Variants in PCDHA10 observed in about 807,000 individuals in gnomAD.
The protein encoded by PCDHA10 is protocadherin alpha-10.
Under a neutral mutation model 61.2 loss-of-function variants are expected in PCDHA10, and 45 were observed. The observed-to-expected ratio is 0.74, with a 90% CI of 0.58 to 0.94. The LOEUF is 0.94. PCDHA10 is among the 40% of genes least tolerant of loss of function. The pLI is 0.00. For missense variants in PCDHA10, 1,278 were observed against 1,236.2 expected, an observed-to-expected ratio of 1.03 and a Z score of -0.51; for synonymous variants, 602 against 548.8, an observed-to-expected ratio of 1.10 and a Z score of -1.35.
chr5:140,871,113 G>C, intron 1 of PCDHA10: 1 of 1,613,306 alleles, frequency 6.2e-7, no homozygotes. Flanking sequence ...CGTTGGTGGA[G>C]AGCGGACAGG....
chr5:140,908,844 C>G (rs533219921), intron 1 of PCDHA10, among the ~76,000 whole-genome samples: 1 of 152,156 alleles, frequency 6.6e-6, no homozygotes, highest in Non-Finnish European at 1.5e-5. Flanking sequence ...GCTGGAGTAA[C>G]ATACCCAAAT....
intron 1 of PCDHA10, chr5:140,967,982 G>T (rs1563372383): frequency 1.9e-6 from 3 of 1,614,224 alleles, no homozygotes; most frequent in Non-Finnish European, 2.5e-6. Context: ...GGGTCTGGAG[G>T]CCACACTGCC....
At chr5:140,945,393 T>G (rs2153669728) in intron 1 of PCDHA10, among the ~76,000 whole-genome samples, 1 of 152,208 alleles carries the variant, frequency 6.6e-6, no homozygotes, top group East Asian at 1.9e-4. Flanking sequence ...AATATACAAA[T>G]TCAATACAAT....
intron 1 of PCDHA10, among the ~76,000 whole-genome samples, chr5:140,906,546 G>A (rs1261080393): frequency 2.0e-5 from 3 of 152,222 alleles, no homozygotes; most frequent in Non-Finnish European, 4.4e-5. Context: ...CCTCATTTCT[G>A]CAACTGGTTG....
chr5:140,883,731 C>A, intron 1 of PCDHA10: 1 of 1,613,446 alleles, frequency 6.2e-7, no homozygotes, highest in Non-Finnish European at 8.5e-7. Flanking sequence ...CAGGAGAACG[C>A]GCTGGTCTCC....
Position 140,969,539 on chromosome 5 carries a change from A to G in PCDHA10, c.2389-9410A>G, listed in dbSNP as rs551546462. ...GAATTGTTTTATTTTTCATTTTCAGAGGCATGAAGCCTTGTCCATAAAATT... is the reference window on the plus strand; with the variant it reads ...GAATTGTTTTATTTTTCATTTTCAGGGGCATGAAGCCTTGTCCATAAAATT... On this transcript the variant is annotated intron_variant, in intron 1 of 3. Transcript: ENST00000307360. The G allele has an allele frequency of 2.3e-6, 3 of 1,303,614 alleles. No individual in the cohort carries two copies. The Admixed American group carries it at 8.5e-5, about 37-fold the overall frequency. 80.8% of individuals were successfully genotyped at this position (1,303,614 alleles called of 1,614,324 possible).
At chr5:140,963,443 T>C (rs1554226608) in intron 1 of PCDHA10, among the ~76,000 whole-genome samples, 1 of 152,248 alleles carries the variant, frequency 6.6e-6, no homozygotes, top group African/African-American at 2.4e-5. Flanking sequence ...TCATACTCTG[T>C]TGCTAAAGTA....
intron 1 of PCDHA10, chr5:140,860,422 T>A (rs1554153353): frequency 1.3e-5 from 2 of 152,130 alleles, no homozygotes; most frequent in African/African-American, 4.8e-5. Context: ...ACCATTATCC[T>A]GCAAATATGA....
intron 1 of PCDHA10, chr5:140,863,768 G>C (rs2048166638): frequency 4.1e-6 from 1 of 242,260 alleles, no homozygotes; most frequent in African/African-American, 2.2e-5. Flanking sequence ...GGAAGCCGAG[G>C]CGGGCGGATC....
At chr5:140,926,754 C>G in intron 1 of PCDHA10, 1 of 1,283,492 alleles carries the variant, frequency 7.8e-7, no homozygotes, top group South Asian at 2.2e-5. Flanking sequence ...TCGGCGGTCG[C>G]TGAGTATCCA....
intron 1 of PCDHA10, chr5:140,876,947 A>C: frequency 6.2e-7 from 1 of 1,613,496 alleles, no homozygotes; most frequent in Non-Finnish European, 8.5e-7. Flanking sequence ...CTGGTGTCCT[A>C]CTCGCTGGTG....
At chr5:140,982,935 T>C (rs2097016879) in intron 3 of PCDHA10, among the ~76,000 whole-genome samples, 2 of 151,876 alleles carry the variant, frequency 1.3e-5, no homozygotes, top group African/African-American at 4.9e-5. Context: ...ACAAAGATCT[T>C]TTGGTTGAAG....
At chr5:140,881,399 T>A in intron 1 of PCDHA10, 1 of 975,578 alleles carries the variant, frequency 1.0e-6, no homozygotes, top group Non-Finnish European at 1.2e-6. Flanking sequence ...TTAAATTCTA[T>A]TAAATCAATA....
chr5:140,966,792 C>A (rs1182470326), intron 1 of PCDHA10: 3 of 1,530,564 alleles, frequency 2.0e-6, no homozygotes, highest in Admixed American at 1.9e-5. Context: ...ACCAGACCTG[C>A]GGCGACAGAG....
intron 1 of PCDHA10, among the ~76,000 whole-genome samples, chr5:140,903,405 G>A (rs2070271184): frequency 6.6e-6 from 1 of 152,184 alleles, no homozygotes; most frequent in Non-Finnish European, 1.5e-5. Flanking sequence ...CAGTAGTGCA[G>A]TCAGGAAAAA....
intron 1 of PCDHA10, among the ~76,000 whole-genome samples, chr5:140,921,440 G>A (rs1026829665): frequency 6.6e-6 from 1 of 152,056 alleles, no homozygotes; most frequent in Non-Finnish European, 1.5e-5. Flanking sequence ...CTTCAATGGT[G>A]TCTGAAAAGG....
chr5:140,908,834 G>A (rs915665508), intron 1 of PCDHA10, among the ~76,000 whole-genome samples: 64 of 152,226 alleles, frequency 4.2e-4, no homozygotes, highest in African/African-American at 1.4e-3. Flanking sequence ...CGATAAATGG[G>A]CTGGAGTAAC....
chr5:140,984,656 G>A (rs1465387950), intron 3 of PCDHA10, among the ~76,000 whole-genome samples: 2 of 152,082 alleles, frequency 1.3e-5, no homozygotes, highest in Non-Finnish European at 2.9e-5. Context: ...TGTCCTTCTG[G>A]TACTTTTAGG....
chr5:140,975,120 C>T (rs2096654332), intron 1 of PCDHA10, among the ~76,000 whole-genome samples: 1 of 152,140 alleles, frequency 6.6e-6, no homozygotes, highest in African/African-American at 2.4e-5. Flanking sequence ...TGTTTTCCTA[C>T]TTACTATTGG....
Sources: allele counts gnomAD v4.1 joint callset (sites outside exome capture counted in the v4.1 genomes callset), GRCh38; gene constraint gnomAD v4.1.1; transcripts MANE v1.5; gene names NCBI Gene and HGNC (gene_info 2026-07-23, HGNC 2026-07-21).